Variants in CASZ1 observed in about 807,000 individuals in gnomAD.
The protein encoded by CASZ1 is zinc finger protein castor homolog 1.
In CASZ1, 28 loss-of-function variants were observed where a neutral mutation model predicts 135.2. The observed-to-expected ratio is 0.21, with a 90% confidence interval of 0.15 to 0.28. The LOEUF (loss-of-function observed/expected upper bound fraction) is 0.28, where lower values mean the gene tolerates loss of function less well. Ranked by LOEUF, CASZ1 falls within the 10% of genes least tolerant of loss-of-function variation. The pLI, the probability that CASZ1 is intolerant of heterozygous loss-of-function variation, is 1.00. For synonymous variants in CASZ1, 1,068 were observed against 1,073.4 expected (o/e 0.99, Z 0.10); for missense variants, 2,161 against 2,453.3 (o/e 0.88, Z 2.52).
intron 2 of CASZ1, among the ~76,000 whole-genome samples, chr1:10,753,705 A>G (rs1409119842): frequency 3.3e-5 from 5 of 152,178 alleles, no homozygotes; most frequent in Non-Finnish European, 7.4e-5. Context: ...GGCAAGTTCC[A>G]GACAGACCCC....
rs902285641 is a variant in CASZ1, at chr1:10,755,486, G to A, written c.-77+5215C>T. 1.6e-4 allele frequency among the ~76,000 whole-genome samples: 25 copies of A among 152,076 alleles called. No homozygotes were observed. Among genetic ancestry groups the A allele is most frequent in the Non-Finnish European group, 3.4e-4 (23 of 68,012 alleles). ...ACCGCGTCAACCCTCCCAAATCCAC[G>A]GGTTGTCCCATCCTTTGGATCAACT... On this transcript the variant is annotated intron_variant, in intron 2 of 20. Transcript: ENST00000377022. This position sits in a 1 kb window ranked among gnomAD's most constrained non-coding sequence, Gnocchi z 4.3.
In CASZ1 at chr1:10,759,129, C is replaced by G. The variant is rs1368777232; in HGVS notation, c.-77+1572G>C. 2.0e-5 allele frequency among the ~76,000 whole-genome samples: 3 copies of G among 152,232 alleles called. No homozygotes were observed. The highest frequency in any genetic ancestry group is 4.1e-4 in the South Asian group (2 of 4,832). On this transcript the variant is annotated intron_variant, in intron 2 of 20. Transcript: ENST00000377022. The surrounding 1 kb of genome is among the most constrained non-coding windows in gnomAD (Gnocchi z 4.2). The stretch of plus-strand genomic sequence containing the variant: ...GAGAACAGAGCAGGCAAACATTACC[C>G]TCTCAGAGGGGAGGGGGCTCTGCAG...
At chr1:10,783,675 C>A (rs2100617157) in intron 1 of CASZ1, among the ~76,000 whole-genome samples, 1 of 151,940 alleles carries the variant, frequency 6.6e-6, no homozygotes, top group South Asian at 2.1e-4. Flanking sequence ...GGGTTCGAGA[C>A]CAGCCTGACC....
rs1557450610 is a variant in CASZ1 at position 10,639,119 on chromosome 1, G to C, written c.5103C>G (p.Asp1701Glu). The change falls in exon 21 of 21, where the codon GAC (aspartate) becomes GAG (glutamate). Residue 1701 changes from aspartate to glutamate, a missense_variant. Physicochemically the swap from Asp to Glu is conservative, Grantham distance 45 (BLOSUM62 2). Transcript: ENST00000377022. The surrounding 1 kb of genome is among the most constrained non-coding windows in gnomAD (Gnocchi z 4.0). ...CGTCCTCGTCGTCGTCCTCGTCGTC[G>C]TCGTCCTCGTCGTCGTCCTCGTCCT... Reference protein sequence around the residue: ...DDEDEDDDEDDDDEDDDEDDD... With the variant: ...DDEDEDDDEDEDDEDDDEDDD... 3.5e-6 allele frequency: 4 copies of C among 1,153,224 alleles called. No individual in the cohort carries two copies. The highest frequency in any genetic ancestry group is 4.4e-6 in the Non-Finnish European group (4 of 914,908). The allele number at this position is 1,153,224 out of a possible 1,614,324, so 71.4% of individuals were successfully genotyped here.
intron 1 of CASZ1, among the ~76,000 whole-genome samples, chr1:10,786,544 G>C (rs1055520028): frequency 6.1e-4 from 93 of 152,188 alleles, no homozygotes; most frequent in African/African-American, 2.1e-3. Flanking sequence ...TCTCCCGCAT[G>C]GGTCTGTAAC....
intron 20 of CASZ1, 91 bp downstream of exon 20, chr1:10,642,768 G>T (rs1488992395): frequency 1.4e-6 from 2 of 1,446,612 alleles, no homozygotes; most frequent in East Asian, 2.4e-5. Flanking sequence ...GAGGCCGCGT[G>T]CCCCGGACCT....
rs1191408683 is a variant in CASZ1 at position 10,701,899 on chromosome 1, T to G, written c.-24+3593A>C. ...GCCAGCCTGACAAGCCAGGCCTCAG[T>G]TTCTCCACCTCCCCCGGCCCATCCC... On this transcript the variant is annotated intron_variant, in intron 3 of 20. Coordinates refer to ENST00000377022, the MANE Select transcript of CASZ1 (RefSeq NM_001079843.3). This position sits in a 1 kb window ranked among gnomAD's most constrained non-coding sequence, Gnocchi z 6.3. Among the ~76,000 whole-genome samples the G allele has an allele frequency of 1.3e-5, 2 of 152,070 alleles. No homozygotes were observed. The highest frequency in any genetic ancestry group is 6.5e-5 in the Admixed American group (1 of 15,278).
In CASZ1 at chr1:10,638,808, T is replaced by A. The variant is rs1485966509; in HGVS notation, c.*134A>T. 1 of 895,450 alleles carries A rather than the reference T, an allele frequency of 1.1e-6. No individual in the cohort carries two copies. Among genetic ancestry groups the A allele is most frequent in the African/African-American group, 1.8e-5 (1 of 55,082 alleles). The allele number at this position is 895,450 out of a possible 1,614,324, so 55.5% of individuals were successfully genotyped here. ...GCGGAGCACCAGAGGGGTCCCCGCCTCTGTCCTGAGACGGACTCGGGGTCC... is the reference window on the plus strand; with the variant it reads ...GCGGAGCACCAGAGGGGTCCCCGCCACTGTCCTGAGACGGACTCGGGGTCC... On this transcript the variant is annotated 3_prime_UTR_variant, in exon 21 of 21. Transcript: ENST00000377022. The surrounding 1 kb of genome is among the most constrained non-coding windows in gnomAD (Gnocchi z 5.9).
At chr1:10,662,777 G>A (rs754176488) in intron 5 of CASZ1, among the ~76,000 whole-genome samples, 18 of 151,854 alleles carry the variant, frequency 1.2e-4, no homozygotes, top group Non-Finnish European at 2.1e-4. Flanking sequence ...GCTCACACTC[G>A]GGCTCACCAG....
At chr1:10,753,753 A>G (rs1170004128) in intron 2 of CASZ1, among the ~76,000 whole-genome samples, 1 of 152,190 alleles carries the variant, frequency 6.6e-6, no homozygotes, top group Non-Finnish European at 1.5e-5. Flanking sequence ...TGAAACATCG[A>G]GAGAGTGCAT....
At chr1:10,793,796 GAGA>G (rs1641005938) in intron 1 of CASZ1, among the ~76,000 whole-genome samples, 1 of 152,144 alleles carries the variant, frequency 6.6e-6, no homozygotes, top group African/African-American at 2.4e-5. Context: ...TCCTGGAAAG[GAGA>G]AGTTCTCCAC....
intron 1 of CASZ1, among the ~76,000 whole-genome samples, chr1:10,786,581 T>C (rs1187077968): frequency 6.6e-6 from 1 of 152,188 alleles, no homozygotes; most frequent in African/African-American, 2.4e-5. Context: ...TCCTAACATT[T>C]CACACGTCTT....
chr1:10,656,782 T>C, intron 7 of CASZ1, 46 bp from the exon 8 acceptor site: 1 of 1,316,498 alleles, frequency 7.6e-7, no homozygotes, highest in Admixed American at 2.0e-5. Context: ...TGGGTGACAG[T>C]CCCAGCCCCA....
In CASZ1 at chr1:10,690,863, G is replaced by A. The variant is rs528001609; in HGVS notation, c.16+3011C>T. The stretch of plus-strand genomic sequence containing the variant: ...CGAACGCCTGCTCAGAGCTCCACCC[G>A]TGCTTCACCGCCATTTTCACCCTGG... On this transcript the variant is annotated intron_variant, in intron 4 of 20. Coordinates refer to ENST00000377022, the MANE Select transcript of CASZ1 (RefSeq NM_001079843.3). 3.2e-4 allele frequency among the ~76,000 whole-genome samples: 49 copies of A among 152,316 alleles called. No individual in the cohort carries two copies. In the East Asian group the frequency reaches 3.9e-3, roughly 12 times the overall value.
At chr1:10,753,024 C>T (rs563608311) in intron 2 of CASZ1, among the ~76,000 whole-genome samples, 1 of 152,196 alleles carries the variant, frequency 6.6e-6, no homozygotes, top group Non-Finnish European at 1.5e-5. Flanking sequence ...GCAGCAAGAC[C>T]AAAACTCCAT....
chr1:10,696,764 C>G (rs1472029917), intron 3 of CASZ1, among the ~76,000 whole-genome samples: 8 of 152,248 alleles, frequency 5.3e-5, no homozygotes, highest in African/African-American at 1.7e-4. Flanking sequence ...ACGTGACCCA[C>G]ACAGCCACTG....
rs1238838387 is a variant in CASZ1 at position 10,647,367 on chromosome 1, G to A, written c.3497+434C>T. 52 of 1,053,656 alleles carry A rather than the reference G, an allele frequency of 4.9e-5. No individual in the cohort carries two copies. The highest frequency in any genetic ancestry group is 5.8e-5 in the Non-Finnish European group (51 of 871,816). The allele number at this position is 1,053,656 out of a possible 1,614,324, so 65.3% of individuals were successfully genotyped here. A position where few individuals can be genotyped will look rare whatever the true frequency, so the allele number is the denominator to read the frequency against. On this transcript the variant is annotated intron_variant, in intron 16 of 20. Transcript: ENST00000377022. This position sits in a 1 kb window ranked among gnomAD's most constrained non-coding sequence, Gnocchi z 4.9. ...CCACTGTGCAGGCCAGTGACGGCCT[G>A]GAGGGGCCTGGCCCCTACCCGTGAC...
intron 2 of CASZ1, among the ~76,000 whole-genome samples, chr1:10,730,492 C>T (rs1389340279): frequency 1.3e-5 from 2 of 152,150 alleles, no homozygotes; most frequent in Non-Finnish European, 2.9e-5. Flanking sequence ...GACATGGACC[C>T]GTGTGACTGA....
chr1:10,771,036 G>C (rs778534489), intron 1 of CASZ1, among the ~76,000 whole-genome samples: 60 of 152,322 alleles, frequency 3.9e-4, no homozygotes, highest in Non-Finnish European at 5.6e-4. Context: ...CAGAACAAGG[G>C]GGACAAAGAC....
Sources: gnomAD v4.1 joint callset for allele counts (sites outside exome capture counted in the v4.1 genomes callset) on GRCh38, gnomAD v4.1.1 for gene constraint, Gnocchi (gnomAD v3.1) non-coding constraint, MANE v1.5 for transcripts, NCBI Gene and HGNC (gene_info 2026-07-23, HGNC 2026-07-21) for gene names.